RNF32: variants seen among roughly 807,000 people sequenced by gnomAD.
RNF32 encodes ring finger protein 32.
Under a neutral mutation model 41.0 loss-of-function variants are expected in RNF32, and 36 were observed. The observed-to-expected ratio is 0.88, with a 90% CI of 0.67 to 1.16. RNF32 has a LOEUF of 1.16. RNF32 is among the 50% of genes most tolerant of loss of function. RNF32 has a pLI of 0.00. For synonymous variants in RNF32, 154 were observed against 160.9 expected, an observed-to-expected ratio of 0.96 and a Z score of 0.32; for missense variants, 413 against 436.7, an observed-to-expected ratio of 0.95 and a Z score of 0.48.
rs1802343596 is a variant in RNF32, at chr7:156,670,926, T to G, written c.685-4770T>G. Among the ~76,000 whole-genome samples, 1 of 152,148 alleles carries G rather than the reference T, an allele frequency of 6.6e-6. No homozygotes were observed. The highest frequency in any genetic ancestry group is 1.9e-4 in the East Asian group (1 of 5,190). ...TGTGAGTAAATCTAATAGACATTGATTCCACCGAACAAGAAAACTCATGTC... is the reference window on the plus strand; with the variant it reads ...TGTGAGTAAATCTAATAGACATTGAGTCCACCGAACAAGAAAACTCATGTC... On this transcript the variant is annotated intron_variant, in intron 7 of 8. Coordinates refer to ENST00000317955, the MANE Select transcript of RNF32 (RefSeq NM_030936.4). The surrounding 1 kb of genome is among the most constrained non-coding windows in gnomAD (Gnocchi z 4.3).
At chr7:156,667,339 AT>A (rs1222763333) in intron 7 of RNF32, among the ~76,000 whole-genome samples, 1 of 152,042 alleles carries the variant, frequency 6.6e-6, no homozygotes, top group Admixed American at 6.6e-5. Flanking sequence ...TTGTTAGTAT[AT>A]TTTTTTTAAA....
intron 3 of RNF32, among the ~76,000 whole-genome samples, chr7:156,645,648 T>C (rs1205514364): frequency 3.3e-5 from 5 of 152,218 alleles, no homozygotes; most frequent in African/African-American, 9.7e-5. Context: ...GGCTAATTGA[T>C]AGATTATAGC....
rs3217035 is a variant in RNF32 at position 156,657,385 on chromosome 7, TAAAC to T, written c.418-149_418-146del. 7.4e-5 allele frequency: 52 copies of T among 703,632 alleles called. No homozygotes were observed. In the East Asian group the frequency reaches 1.1e-3, roughly 15 times the overall value. 43.6% of individuals were successfully genotyped at this position (703,632 alleles called of 1,614,324 possible). A position where few individuals can be genotyped will look rare whatever the true frequency, so the allele number is the denominator to read the frequency against. ...TTTAGAGTATATACTTGTGCTGTGCTAAACAAACAATAAATAGTATAAATATCAA... is the reference window on the plus strand; with the variant it reads ...TTTAGAGTATATACTTGTGCTGTGCTAAACAATAAATAGTATAAATATCAA... On this transcript the variant is annotated intron_variant, in intron 4 of 8. Coordinates refer to ENST00000317955, the MANE Select transcript of RNF32 (RefSeq NM_030936.4).
intron 3 of RNF32, 31 bp from the exon 4 acceptor site, chr7:156,654,545 C>G: frequency 6.3e-7 from 1 of 1,578,774 alleles, no homozygotes; most frequent in Non-Finnish European, 8.7e-7. Flanking sequence ...AAAAGACACT[C>G]TAACTCCTGT....
chr7:156,647,606 G>A (rs189929308), intron 3 of RNF32, among the ~76,000 whole-genome samples: 1 of 152,108 alleles, frequency 6.6e-6, no homozygotes, highest in Non-Finnish European at 1.5e-5. Context: ...GGTTGGTTCC[G>A]TATCTTTGCA....
intron 6 of RNF32, 84 bp downstream of exon 6, chr7:156,658,336 A>G (rs201139310): frequency 6.3e-7 from 1 of 1,580,880 alleles, no homozygotes; most frequent in Non-Finnish European, 8.6e-7. Context: ...GTGGGATTTT[A>G]TCTCTCTTCT....
intron 3 of RNF32, chr7:156,654,114 T>A (rs1183800006): frequency 6.6e-6 from 1 of 152,220 alleles, no homozygotes; most frequent in Non-Finnish European, 1.5e-5. Context: ...TGCGCCCTCA[T>A]AGAAAAACGG....
intron 3 of RNF32, among the ~76,000 whole-genome samples, chr7:156,648,027 T>G (rs1585009477): frequency 8.4e-6 from 1 of 118,466 alleles, no homozygotes; most frequent in Admixed American, 8.2e-5. Flanking sequence ...ATGGGATTAT[T>G]TGTTTTTTTT....
intron 7 of RNF32, chr7:156,659,648 C>A: frequency 1.1e-6 from 1 of 924,400 alleles, no homozygotes; most frequent in Non-Finnish European, 1.3e-6. Flanking sequence ...CATGTGCACA[C>A]ATCATTTTAT....
intron 7 of RNF32, among the ~76,000 whole-genome samples, chr7:156,665,380 G>A (rs1229370971): frequency 6.6e-6 from 1 of 152,154 alleles, no homozygotes; most frequent in Non-Finnish European, 1.5e-5. Flanking sequence ...CAACTCTGAG[G>A]TTTGAATTTT....
intron 7 of RNF32, chr7:156,659,840 C>A: frequency 1.1e-6 from 1 of 914,962 alleles, no homozygotes; most frequent in Non-Finnish European, 1.3e-6. Context: ...TGTTCAAATG[C>A]TGCAGCCTTC....
rs1404064899 is a variant in RNF32, at chr7:156,669,896, C to T, written c.685-5800C>T. The stretch of plus-strand genomic sequence containing the variant: ...CTGTTCCAGGTGACAGGAGGGCGGG[C>T]GGTCATGGCCTAGTGCCATGAAAAT... On this transcript the variant is annotated intron_variant, in intron 7 of 8. Transcript: ENST00000317955. The surrounding 1 kb of genome is among the most constrained non-coding windows in gnomAD (Gnocchi z 4.2). 1.3e-5 allele frequency among the ~76,000 whole-genome samples: 2 copies of T among 152,022 alleles called. No individual in the cohort carries two copies. Among genetic ancestry groups the T allele is most frequent in the African/African-American group, 4.8e-5 (2 of 41,398 alleles).
At chr7:156,676,062 T>G (rs3823615) in intron 8 of RNF32, among the ~76,000 whole-genome samples, 199 bp downstream of exon 8, 90,185 of 149,726 alleles carry the variant, frequency 0.6, 29,226 homozygotes, top group African/African-American at 0.85. Context: ...GGAGTGTCAG[T>G]CCCGGGGTAA....
intron 3 of RNF32, among the ~76,000 whole-genome samples, chr7:156,647,285 T>C (rs1798088671): frequency 6.6e-6 from 1 of 152,198 alleles, no homozygotes; most frequent in Non-Finnish European, 1.5e-5. Flanking sequence ...TTCTGAGATT[T>C]TAGTGCCACC....
chr7:156,641,661 G>GTCTA (rs1797341658), intron 1 of RNF32, among the ~76,000 whole-genome samples: 1 of 152,188 alleles, frequency 6.6e-6, no homozygotes, highest in South Asian at 2.1e-4. Flanking sequence ...AATGACAGTG[G>GTCTA]TCTACTGTGT....
At chr7:156,642,212 C>T (rs1428883938) in intron 1 of RNF32, among the ~76,000 whole-genome samples, 1 of 152,180 alleles carries the variant, frequency 6.6e-6, no homozygotes, top group African/African-American at 2.4e-5. Flanking sequence ...ACAAGGAAAC[C>T]AGTTTCACCA....
chr7:156,660,586 C>T (rs1392193944), intron 7 of RNF32, among the ~76,000 whole-genome samples: 1 of 152,140 alleles, frequency 6.6e-6, no homozygotes, highest in Non-Finnish European at 1.5e-5. Context: ...TGGGCTGAAG[C>T]GAACCTCCCA....
At chr7:156,659,199 T>C (rs1800222699) in intron 7 of RNF32, 8 of 1,148,128 alleles carry the variant, frequency 7.0e-6, no homozygotes, top group Non-Finnish European at 8.5e-6. Flanking sequence ...GAGGCTGTCA[T>C]ATGAAAGCCA....
chr7:156,665,361 A>T (rs1801206478), intron 7 of RNF32, among the ~76,000 whole-genome samples: 1 of 152,136 alleles, frequency 6.6e-6, no homozygotes, highest in African/African-American at 2.4e-5. Context: ...CCATACTTCT[A>T]TGTGTATGCA....
Sources: gnomAD v4.1 joint callset for allele counts (sites outside exome capture counted in the v4.1 genomes callset) on GRCh38, gnomAD v4.1.1 for gene constraint, Gnocchi (gnomAD v3.1) non-coding constraint, MANE v1.5 for transcripts, NCBI Gene and HGNC (gene_info 2026-07-23, HGNC 2026-07-21) for gene names.